The following GUCY2F variants were observed in gnomAD, a reference collection of about 807,000 sequenced individuals.
The protein encoded by GUCY2F is guanylate cyclase 2F, retinal.
Under a neutral mutation model 73.1 loss-of-function variants are expected in GUCY2F, and 61 were observed. The ratio of observed to expected loss-of-function variants is 0.83; its 90% confidence interval spans 0.68 to 1.03. The LOEUF is 1.03. Ranked by LOEUF, GUCY2F falls within the 50% of genes least tolerant of loss-of-function variation. GUCY2F has a pLI of 0.00. For synonymous variants in GUCY2F, 331 were observed against 307.8 expected, an observed-to-expected ratio of 1.08 and a Z score of -0.79; for missense variants, 912 against 854.3, an observed-to-expected ratio of 1.07 and a Z score of -0.84.
intron 2 of GUCY2F, among the ~76,000 whole-genome samples, chrX:109,474,862 C>T (rs1932651716): frequency 8.9e-6 from 1 of 111,761 alleles, no homozygotes; most frequent in Non-Finnish European, 1.9e-5. Context: ...CCGCGCCTCC[C>T]CATACCATTT....
intron 3 of GUCY2F, among the ~76,000 whole-genome samples, chrX:109,454,910 CA>C (rs1932226223): frequency 9.0e-6 from 1 of 110,956 alleles, no homozygotes; most frequent in Non-Finnish European, 1.9e-5. Flanking sequence ...ACTTTGGTTT[CA>C]CAAGATCTAG....
intron 17 of GUCY2F, among the ~76,000 whole-genome samples, chrX:109,378,410 G>T (rs1930226716): frequency 9.0e-6 from 1 of 111,697 alleles, no homozygotes; most frequent in South Asian, 3.8e-4. Context: ...AAGCTTGTGA[G>T]ATTAATGAGC....
chrX:109,395,670 A>G (rs1330400495), intron 11 of GUCY2F, among the ~76,000 whole-genome samples, 181 bp from the exon 12 acceptor site: 1 of 112,353 alleles, frequency 8.9e-6, no homozygotes, highest in East Asian at 2.8e-4. Flanking sequence ...AAGCTGCATT[A>G]GGCAATGGGG....
chrX:109,441,574 A>T, intron 6 of GUCY2F, 92 bp from the exon 7 acceptor site: 1 of 604,010 alleles, frequency 1.7e-6, no homozygotes. Context: ...TCCTAAGAAA[A>T]TAACCATATG....
chrX:109,436,419 G>T (rs1931746921), intron 7 of GUCY2F, among the ~76,000 whole-genome samples: 1 of 111,045 alleles, frequency 9.0e-6, no homozygotes, highest in Admixed American at 9.5e-5. Flanking sequence ...ATTTGACCCA[G>T]CCATCCCATT....
chrX:109,422,792 G>A (rs1353798488), intron 8 of GUCY2F, among the ~76,000 whole-genome samples: 2 of 111,521 alleles, frequency 1.8e-5, no homozygotes, highest in Non-Finnish European at 3.8e-5. Context: ...ATTCAAATAT[G>A]TGTCCATAAA....
At chrX:109,465,897 A>G (rs752939646) in intron 2 of GUCY2F, among the ~76,000 whole-genome samples, 2 of 112,318 alleles carry the variant, frequency 1.8e-5, no homozygotes, top group African/African-American at 6.5e-5. Context: ...TACTTAGTAC[A>G]TAGCACACAA....
chrX:109,427,554 T>A (rs1350848984), intron 8 of GUCY2F, among the ~76,000 whole-genome samples: 3 of 112,276 alleles, frequency 2.7e-5, no homozygotes, highest in Non-Finnish European at 5.6e-5. Context: ...CTCACAAAGA[T>A]CTGCTTTCCA....
At chrX:109,416,933 C>CAA (rs367707786) in intron 8 of GUCY2F, among the ~76,000 whole-genome samples, 1,719 of 57,548 alleles carry the variant, frequency 0.03, 70 homozygotes, top group African/African-American at 0.088. Context: ...CAAAGAAATG[C>CAA]AAAAAAAAAA....
chrX:109,411,399 A>G (rs1469892196), intron 8 of GUCY2F, among the ~76,000 whole-genome samples: 2 of 111,500 alleles, frequency 1.8e-5, no homozygotes, highest in Non-Finnish European at 3.8e-5. Flanking sequence ...GCCTCAAGGT[A>G]AGATTCATGG....
In GUCY2F at chrX:109,385,298, G is replaced by A; in HGVS notation, c.2957-16C>T. The A allele has an allele frequency of 6.2e-6, 6 of 961,945 alleles. No individual in the cohort carries two copies. The highest frequency in any genetic ancestry group is 8.9e-6 in the Non-Finnish European group (6 of 674,900). The allele number at this position is 961,945 out of a possible 1,213,427, so 79.3% of individuals were successfully genotyped here. A position where few individuals can be genotyped will look rare whatever the true frequency, so the allele number is the denominator to read the frequency against. Reference sequence around the variant, plus strand: ...ACAACCGGCCCTATAGAGTATCAGGGGGTTGGAATTACAGTCAACAGGTAT... The same window carrying A: ...ACAACCGGCCCTATAGAGTATCAGGAGGTTGGAATTACAGTCAACAGGTAT... On this transcript the variant is annotated splice_polypyrimidine_tract_variant and intron_variant, in intron 15 of 19. Coordinates refer to ENST00000218006, the MANE Select transcript of GUCY2F (RefSeq NM_001522.3).
Position 109,436,022 on chromosome X carries a change from C to T in GUCY2F, c.1701+5329G>A, listed in dbSNP as rs746787650. ...AAGCTTTTTGATGTGCTGCTGGATT[C>T]GGTTTGCCAGCATCTGACAAAGGGC... is the stretch of plus-strand genomic sequence containing the variant. On this transcript the variant is annotated intron_variant, in intron 7 of 19. Transcript: ENST00000218006. 2.0e-4 allele frequency among the ~76,000 whole-genome samples: 22 copies of T among 111,303 alleles called. No homozygotes were observed. The South Asian group carries it at 3.9e-3, about 19-fold the overall frequency.
rs186026472 is a variant in GUCY2F, at chrX:109,450,867, C to T, written c.1472+1156G>A. Among the ~76,000 whole-genome samples, 90 of 112,021 alleles carry T rather than the reference C, an allele frequency of 8.0e-4. No individual in the cohort carries two copies. In the East Asian group the frequency reaches 0.01, roughly 13 times the overall value. The stretch of plus-strand genomic sequence containing the variant: ...TCCCAGACTTATTAAAATATCAGAG[C>T]TGGGAGGGCTCTTAAACATCATCTA... On this transcript the variant is annotated intron_variant, in intron 5 of 19. Coordinates refer to ENST00000218006, the MANE Select transcript of GUCY2F (RefSeq NM_001522.3).
rs1418001131 is a variant in GUCY2F, at chrX:109,453,793, T to C, written c.1099A>G (p.Met367Val). Reference sequence around the variant, plus strand: ...GCACCAGCCTGTCCATTTTCTTTCATAGCATTATTCATGGCTTGTGCGATA... The same window carrying C: ...GCACCAGCCTGTCCATTTTCTTTCACAGCATTATTCATGGCTTGTGCGATA... The part of the protein sequence containing the change: ...YFIAQAMNNA[M>V]KENGQAGAAS... Residue 367 changes from methionine to valine, a missense_variant, in exon 4 of 20, where the codon ATG (methionine) becomes GTG (valine). Coordinates refer to ENST00000218006, the MANE Select transcript of GUCY2F (RefSeq NM_001522.3). The C allele has an allele frequency of 1.6e-5, 19 of 1,204,864 alleles. No homozygotes were observed. The Admixed American group carries it at 3.9e-4, about 25-fold the overall frequency.
At chrX:109,468,209 G>C (rs1047368839) in intron 2 of GUCY2F, among the ~76,000 whole-genome samples, 1 of 112,135 alleles carries the variant, frequency 8.9e-6, no homozygotes, top group South Asian at 3.7e-4. Context: ...CACTGGATTA[G>C]AGCCCCCACC....
chrX:109,419,379 T>C (rs1405290237), intron 8 of GUCY2F, among the ~76,000 whole-genome samples: 1 of 110,952 alleles, frequency 9.0e-6, no homozygotes, highest in Non-Finnish European at 1.9e-5. Flanking sequence ...CCGGGGATAT[T>C]AGGATGTGCT....
intron 16 of GUCY2F, among the ~76,000 whole-genome samples, chrX:109,384,979 G>A (rs748951403): frequency 2.4e-4 from 27 of 111,709 alleles, no homozygotes; most frequent in African/African-American, 8.4e-4. Flanking sequence ...AAAGGTACAT[G>A]TTCAGTCCAA....
At chrX:109,417,002 T>C (rs1436973805) in intron 8 of GUCY2F, among the ~76,000 whole-genome samples, 1 of 104,101 alleles carries the variant, frequency 9.6e-6, no homozygotes, top group Non-Finnish European at 2.0e-5. Flanking sequence ...AGATAACTCA[T>C]AATTCTGTAC....
intron 15 of GUCY2F, among the ~76,000 whole-genome samples, chrX:109,386,925 A>G (rs1040123895): frequency 8.9e-6 from 1 of 112,140 alleles, no homozygotes; most frequent in African/African-American, 3.2e-5. Flanking sequence ...ACTGAAGCAC[A>G]AATGACAGAT....
Sources: gnomAD v4.1 joint callset for allele counts (sites outside exome capture counted in the v4.1 genomes callset) on GRCh38, gnomAD v4.1.1 for gene constraint, MANE v1.5 for transcripts, NCBI Gene and HGNC (gene_info 2026-07-23, HGNC 2026-07-21) for gene names.